WDFY4: variants seen among roughly 807,000 people sequenced by gnomAD.
The protein encoded by WDFY4 is WDFY family member 4, also known as WD repeat- and FYVE domain-containing protein 4.
WDFY4 carries 169 observed loss-of-function variants against 351.9 expected under a neutral mutation model. The ratio of observed to expected loss-of-function variants is 0.48; its 90% CI spans 0.42 to 0.55. WDFY4 has a LOEUF of 0.55. WDFY4 is among the 20% of genes least tolerant of loss of function. The pLI, the probability that WDFY4 is intolerant of heterozygous loss-of-function variation, is 0.00. For missense variants in WDFY4, 3,803 were observed against 3,935.6 expected (o/e 0.97, Z 0.90); for synonymous variants, 1,622 against 1,574.6 (o/e 1.03, Z -0.71).
chr10:48,969,010 T>C (rs1209554373), intron 55 of WDFY4, 54 bp from the exon 56 acceptor site: 1 of 1,525,416 alleles, frequency 6.6e-7, no homozygotes, highest in Non-Finnish European at 8.9e-7. Context: ...GGGGCCCAGC[T>C]GTAGTGGGTG....
chr10:48,786,965 C>T (rs1411102034), intron 20 of WDFY4, 95 bp downstream of exon 20: 15 of 1,116,572 alleles, frequency 1.3e-5, no homozygotes, highest in South Asian at 7.7e-5. Context: ...ATAAGCTCAG[C>T]GTTAAAGTCA....
intron 1 of WDFY4, among the ~76,000 whole-genome samples, chr10:48,695,749 A>G (rs1455351255): frequency 6.6e-6 from 1 of 151,916 alleles, no homozygotes; most frequent in Admixed American, 6.6e-5. Context: ...GCTGTCTCCA[A>G]CTCAGGTCTT....
chr10:48,905,178 A>G (rs1837554451), intron 47 of WDFY4, among the ~76,000 whole-genome samples: 1 of 152,124 alleles, frequency 6.6e-6, no homozygotes, highest in Non-Finnish European at 1.5e-5. Flanking sequence ...TTTTGTCCTC[A>G]GAATCTTAGT....
intron 40 of WDFY4, among the ~76,000 whole-genome samples, chr10:48,871,171 G>A (rs1217542365): frequency 2.0e-5 from 3 of 152,056 alleles, no homozygotes; most frequent in Non-Finnish European, 2.9e-5. Context: ...TCCTGACCTC[G>A]TGATCCGCCT....
In WDFY4 at chr10:48,810,521, A is replaced by C. The variant is rs746822898; in HGVS notation, c.4839-9A>C. 11 of 1,547,686 alleles carry C rather than the reference A, an allele frequency of 7.1e-6. No homozygotes were observed. Among genetic ancestry groups the C allele is most frequent in the Non-Finnish European group, 7.9e-6 (9 of 1,145,734 alleles). ...TGAGAGAACATTGGTTGCATTTATT[A>C]ATCCCCAGGTCAAAGGAAGAGATGT... On this transcript the variant is annotated splice_polypyrimidine_tract_variant and intron_variant, in intron 28 of 61. Coordinates refer to ENST00000325239, the MANE Select transcript of WDFY4 (RefSeq NM_001394531.1).
chr10:48,812,804 C>T (rs2067501959), intron 30 of WDFY4, among the ~76,000 whole-genome samples: 2 of 152,166 alleles, frequency 1.3e-5, no homozygotes, highest in Admixed American at 6.5e-5. Context: ...CTTTCCAACC[C>T]AGCTGCAATT....
chr10:48,906,926 C>T (rs1185999428), intron 47 of WDFY4, among the ~76,000 whole-genome samples: 4 of 150,570 alleles, frequency 2.7e-5, no homozygotes, highest in Non-Finnish European at 5.9e-5. Context: ...TAATAAGAAA[C>T]AGGCTTTTGC....
intron 47 of WDFY4, among the ~76,000 whole-genome samples, chr10:48,916,732 T>G (rs10776654): frequency 0.76 from 114,952 of 152,130 alleles, 43,857 homozygotes; most frequent in East Asian, 1. Context: ...CTCTGAACTC[T>G]CCTGAGCTGC....
chr10:48,898,568 G>T (rs1474710951), intron 45 of WDFY4, among the ~76,000 whole-genome samples: 3 of 152,154 alleles, frequency 2.0e-5, no homozygotes, highest in Non-Finnish European at 4.4e-5. Context: ...GACCCCTCCT[G>T]CAAGAGGGCT....
intron 39 of WDFY4, among the ~76,000 whole-genome samples, chr10:48,834,999 C>T (rs987045033): frequency 6.6e-5 from 10 of 152,166 alleles, no homozygotes; most frequent in African/African-American, 1.9e-4. Context: ...TATCCAAAGC[C>T]GGCTCTGTCT....
chr10:48,916,057 G>A (rs1838500987), intron 47 of WDFY4, among the ~76,000 whole-genome samples: 1 of 152,212 alleles, frequency 6.6e-6, no homozygotes, highest in Non-Finnish European at 1.5e-5. Flanking sequence ...CTGAAAGCAA[G>A]TAAAGCCTTG....
At chr10:48,804,994 GAATTTAAAAGTC>G (rs2132866290) in intron 25 of WDFY4, among the ~76,000 whole-genome samples, 2 of 151,878 alleles carry the variant, frequency 1.3e-5, no homozygotes, top group South Asian at 4.2e-4. Flanking sequence ...CTGGGGCTCA[GAATTTAAAAGTC>G]AATAATTGGG....
In WDFY4 at chr10:48,743,430, C is replaced by A. The variant is rs766875496; in HGVS notation, c.2341C>A (p.Arg781Ser). The A allele has an allele frequency of 1.9e-6, 3 of 1,551,150 alleles. No individual in the cohort carries two copies. Among genetic ancestry groups the A allele is most frequent in the South Asian group, 1.2e-5 (1 of 84,052 alleles). ...CATGGCCAGCGGCACCCTCCACTTG[C>A]GTGGGGACCTGAAGGAGTCCCTGAG... ...DSMASGTLHL[R>S]GDLKESLRTK... Residue 781 changes from arginine (R) to serine (S), a missense_variant, in exon 12 of 62, where the codon CGT (arginine) becomes AGT (serine). By Grantham distance (110) the Arg-to-Ser change is moderately radical. Transcript: ENST00000325239.
At chr10:48,819,549 G>A (rs1051661483) in intron 32 of WDFY4, among the ~76,000 whole-genome samples, 4 of 152,180 alleles carry the variant, frequency 2.6e-5, no homozygotes, top group African/African-American at 9.7e-5. Flanking sequence ...CCCTGGCCGC[G>A]TGTCCTTGGG....
intron 35 of WDFY4, chr10:48,823,153 G>A (rs1289043254): frequency 7.7e-7 from 1 of 1,298,436 alleles, no homozygotes; most frequent in South Asian, 1.2e-5. Flanking sequence ...CAAAATTCCA[G>A]CATTGAAAGA....
chr10:48,957,454 G>T (rs1335064166), intron 52 of WDFY4, among the ~76,000 whole-genome samples, 172 bp downstream of exon 52: 1 of 152,188 alleles, frequency 6.6e-6, no homozygotes, highest in South Asian at 2.1e-4. Context: ...TGGTTGCTGA[G>T]GAAGGGCGCT....
At chr10:48,742,942 T>C (rs2064898870) in intron 11 of WDFY4, 26 bp from the exon 12 acceptor site, 1 of 1,526,654 alleles carries the variant, frequency 6.6e-7, no homozygotes, top group Non-Finnish European at 8.8e-7. Context: ...TGGAGTGCAC[T>C]CATTTTGATT....
chr10:48,913,906 A>G, intron 47 of WDFY4: 1 of 1,614,100 alleles, frequency 6.2e-7, no homozygotes, highest in Non-Finnish European at 8.5e-7. Context: ...TTGTCTATGT[A>G]GTTGCTGTGC....
intron 11 of WDFY4, among the ~76,000 whole-genome samples, chr10:48,738,581 T>C (rs929519091): frequency 2.6e-5 from 4 of 152,176 alleles, no homozygotes; most frequent in East Asian, 3.8e-4. Flanking sequence ...TTGGGAGGAA[T>C]GGAACCTCTT....
Sources: gnomAD v4.1 joint callset for allele counts (sites outside exome capture counted in the v4.1 genomes callset) on GRCh38, gnomAD v4.1.1 for gene constraint, MANE v1.5 for transcripts, NCBI Gene and HGNC (gene_info 2026-07-23, HGNC 2026-07-21) for gene names.